Variants in PTPN12 observed in about 807,000 individuals in gnomAD.
PTPN12 encodes the protein tyrosine-protein phosphatase non-receptor type 12.
Under a neutral mutation model 97.6 loss-of-function variants are expected in PTPN12, and 29 were observed. The observed-to-expected ratio is 0.30, with a 90% CI of 0.22 to 0.41. PTPN12 has a LOEUF of 0.41. Ranked by LOEUF, PTPN12 falls within the 10% of genes least tolerant of loss-of-function variation. The probability of loss-of-function intolerance (pLI) is 1.00; values close to 1 mark genes in which losing one functional copy is unlikely to be tolerated. For missense variants in PTPN12, 819 were observed against 926.0 expected (o/e 0.88, Z 1.50); for synonymous variants, 327 against 300.4 (o/e 1.09, Z -0.91).
At chr7:77,570,997 A>G in intron 1 of PTPN12, 81 bp from the exon 2 acceptor site, 1 of 828,500 alleles carries the variant, frequency 1.2e-6, no homozygotes, top group Non-Finnish European at 1.8e-6. Flanking sequence ...GTTGTGAGGA[A>G]TTGGGGTCAC....
chr7:77,593,269 C>CAA (rs34709584), intron 6 of PTPN12, among the ~76,000 whole-genome samples: 2 of 141,242 alleles, frequency 1.4e-5, no homozygotes, highest in Non-Finnish European at 3.2e-5. Context: ...AACTCCATCT[C>CAA]AAAAAAAAAA....
chr7:77,561,550 G>C (rs1378920181), intron 1 of PTPN12, among the ~76,000 whole-genome samples: 1 of 151,988 alleles, frequency 6.6e-6, no homozygotes, highest in Non-Finnish European at 1.5e-5. Flanking sequence ...TCCATATAGC[G>C]GTCAATAAGT....
intron 12 of PTPN12, 103 bp from the exon 13 acceptor site, chr7:77,626,602 C>T: frequency 9.4e-6 from 12 of 1,274,486 alleles, no homozygotes; most frequent in Non-Finnish European, 1.3e-5. Context: ...TATTCGCAAC[C>T]AGATTGTAAT....
At chr7:77,577,436 A>T (rs887128154) in intron 2 of PTPN12, among the ~76,000 whole-genome samples, 1 of 152,114 alleles carries the variant, frequency 6.6e-6, no homozygotes, top group African/African-American at 2.4e-5. Context: ...TATGCTACCT[A>T]TAATGCCCTA....
intron 8 of PTPN12, chr7:77,601,050 A>T: frequency 2.5e-6 from 1 of 394,202 alleles, no homozygotes; most frequent in Non-Finnish European, 4.6e-6. Flanking sequence ...GCTATAGAAC[A>T]TACTCTTTTT....
At chr7:77,549,146 G>A (rs1163506338) in intron 1 of PTPN12, among the ~76,000 whole-genome samples, 1 of 152,164 alleles carries the variant, frequency 6.6e-6, no homozygotes, top group African/African-American at 2.4e-5. Flanking sequence ...GTATAAGGTG[G>A]TGAGCTTATT....
intron 8 of PTPN12, among the ~76,000 whole-genome samples, chr7:77,602,519 C>T (rs1362271310): frequency 1.3e-5 from 2 of 151,704 alleles, no homozygotes; most frequent in African/African-American, 4.8e-5. Flanking sequence ...CTTTGGGAGG[C>T]CGAGGCAGGA....
At chr7:77,625,472 G>GCTTGCGCTCT (rs1554326598) in intron 12 of PTPN12, among the ~76,000 whole-genome samples, 4 of 33,528 alleles carry the variant, frequency 1.2e-4, no homozygotes, top group Admixed American at 5.0e-4. Context: ...CAGGCTGCTC[G>GCTTGCGCTCT]CTCTCTCTCT....
At chr7:77,597,480 A>C (rs1647236891) in intron 6 of PTPN12, among the ~76,000 whole-genome samples, 1 of 152,034 alleles carries the variant, frequency 6.6e-6, no homozygotes, top group Admixed American at 6.6e-5. Context: ...GGCTTATTTC[A>C]CTTAGTAATG....
chr7:77,537,983 G>GA (rs952887510), intron 1 of PTPN12: 2 of 989,824 alleles, frequency 2.0e-6, no homozygotes, highest in Non-Finnish European at 2.4e-6. Flanking sequence ...CAGGCCGGGG[G>GA]GGGGGGCTCG....
intron 12 of PTPN12, among the ~76,000 whole-genome samples, chr7:77,625,478 T>G (rs139585650): frequency 0.18 from 5,691 of 30,772 alleles, 550 homozygotes; most frequent in East Asian, 0.41. Context: ...GCTCGCTCTC[T>G]CTCTCTCTCT....
intron 13 of PTPN12, among the ~76,000 whole-genome samples, chr7:77,631,375 A>T (rs941497485): frequency 2.0e-5 from 3 of 152,230 alleles, no homozygotes; most frequent in Non-Finnish European, 4.4e-5. Flanking sequence ...AGACCTATGC[A>T]TAGCCATCAG....
At chr7:77,547,649 G>T (rs1373194431) in intron 1 of PTPN12, among the ~76,000 whole-genome samples, 2 of 152,218 alleles carry the variant, frequency 1.3e-5, no homozygotes, top group Non-Finnish European at 2.9e-5. Flanking sequence ...AATTTGAGAT[G>T]ACATACTGCT....
intron 12 of PTPN12, among the ~76,000 whole-genome samples, chr7:77,625,518 TCTCTCACTCTCA>T (rs1331230990): frequency 3.3e-4 from 27 of 82,022 alleles, no homozygotes; most frequent in East Asian, 2.3e-3. Flanking sequence ...TCTCTCTCTC[TCTCTCACTCTCA>T]CTCTCACTCG....
chr7:77,564,186 A>G (rs1808128058), intron 1 of PTPN12: 2 of 161,322 alleles, frequency 1.2e-5, no homozygotes, highest in Admixed American at 1.3e-4. Flanking sequence ...GCCCATATAC[A>G]TATTTTTATG....
At chr7:77,581,775 A>G (rs1275209152) in intron 3 of PTPN12, among the ~76,000 whole-genome samples, 1 of 152,106 alleles carries the variant, frequency 6.6e-6, no homozygotes, top group Non-Finnish European at 1.5e-5. Context: ...TTACTAAATT[A>G]TTTTCTCAGT....
chr7:77,544,895 C>G (rs1807142159), intron 1 of PTPN12, among the ~76,000 whole-genome samples: 1 of 152,206 alleles, frequency 6.6e-6, no homozygotes, highest in Non-Finnish European at 1.5e-5. Context: ...AAGGGTTTGT[C>G]TTCTAGACGA....
chr7:77,543,731 G>C, intron 1 of PTPN12, among the ~76,000 whole-genome samples: 1 of 152,112 alleles, frequency 6.6e-6, no homozygotes, highest in East Asian at 1.9e-4. Context: ...ATAGATTTAA[G>C]TATTCTGGAC....
intron 1 of PTPN12, among the ~76,000 whole-genome samples, chr7:77,539,394 T>C (rs968457520): frequency 1.3e-5 from 2 of 152,216 alleles, no homozygotes; most frequent in East Asian, 1.9e-4. Flanking sequence ...ATTTAGCCTA[T>C]GTATTTTTGA....
Sources: allele counts gnomAD v4.1 joint callset (sites outside exome capture counted in the v4.1 genomes callset), GRCh38; gene constraint gnomAD v4.1.1; transcripts MANE v1.5; gene names NCBI Gene and HGNC (gene_info 2026-07-23, HGNC 2026-07-21).